Variants in STAB1 observed in about 807,000 individuals in gnomAD.
STAB1 encodes stabilin 1, also known as stabilin-1.
A neutral mutation model predicts 332.4 loss-of-function variants in STAB1; 250 were observed. The observed-to-expected ratio is 0.75, with a 90% CI of 0.68 to 0.84. The LOEUF (loss-of-function observed/expected upper bound fraction) is 0.84. Ranked by LOEUF, STAB1 falls within the 40% of genes least tolerant of loss-of-function variation. The probability of loss-of-function intolerance (pLI) is 0.00; values close to 1 mark genes in which losing one functional copy is unlikely to be tolerated. For missense variants in STAB1, 3,249 were observed against 3,489.7 expected, an observed-to-expected ratio of 0.93 and a Z score of 1.74; for synonymous variants, 1,475 against 1,390.4, an observed-to-expected ratio of 1.06 and a Z score of -1.35.
At position 52,514,497 on chromosome 3, in the gene STAB1, G is replaced by A. The variant is rs746936041; in HGVS notation, c.3678+1G>A. ...CGTCTTCTACAACCACAGTGGCCAG[G>A]TTTGGGGGTCAGGGAGCAAGGAGAC... On this transcript the variant is annotated splice_donor_variant, in intron 34 of 68. Transcript: ENST00000321725. LOFTEE classifies it high-confidence loss of function. The A allele has an allele frequency of 9.2e-6, 14 of 1,524,696 alleles. No individual in the cohort carries two copies. Among genetic ancestry groups the A allele is most frequent in the Non-Finnish European group, 1.2e-5 (14 of 1,137,110 alleles). The allele number at this position is 1,524,696 out of a possible 1,614,324, so 94.4% of individuals were successfully genotyped here. A position where few individuals can be genotyped will look rare whatever the true frequency, so the allele number is the denominator to read the frequency against.
intron 1 of STAB1, among the ~76,000 whole-genome samples, 163 bp downstream of exon 1, chr3:52,495,654 T>G (rs1707961863): frequency 6.6e-6 from 1 of 152,140 alleles, no homozygotes; most frequent in Non-Finnish European, 1.5e-5. Context: ...TGTGCCCACC[T>G]CCCCAGTCTG....
At chr3:52,515,571 C>T (rs1288158686) in intron 37 of STAB1, 65 bp downstream of exon 37, 2 of 1,544,972 alleles carry the variant, frequency 1.3e-6, no homozygotes, top group Non-Finnish European at 8.9e-7. Context: ...GGTGGGGGCC[C>T]AGGGAGGAGC....
chr3:52,505,576 T>C, intron 14 of STAB1, 92 bp from the exon 15 acceptor site: 1 of 1,359,402 alleles, frequency 7.4e-7, no homozygotes, highest in Non-Finnish European at 1.0e-6. Flanking sequence ...TCAGTGGGAG[T>C]TTCCTGCAGG....
rs372612192 is a variant in STAB1, at chr3:52,522,103, C to T, written c.6338C>T (p.Thr2113Ile). The change falls in exon 59 of 69, where the codon ACA becomes ATA. Residue 2113 changes from threonine (T) to isoleucine (I), a missense_variant. Transcript: ENST00000321725. ...SEHANCSQVG[T>I]MVTCTCLPDY... Reference sequence around the variant, plus strand: ...CACGCCAACTGTAGCCAGGTAGGAACAATGGTCACTTGTACCTGCCTGCCC... The same window carrying T: ...CACGCCAACTGTAGCCAGGTAGGAATAATGGTCACTTGTACCTGCCTGCCC... The T allele has an allele frequency of 6.8e-5, 110 of 1,612,936 alleles. No individual in the cohort carries two copies. Among genetic ancestry groups the T allele is most frequent in the Non-Finnish European group, 9.2e-5 (109 of 1,180,004 alleles).
At chr3:52,497,407 CTTTTTTTTTTT>C (rs1200611448) in intron 1 of STAB1, among the ~76,000 whole-genome samples, 1 of 111,778 alleles carries the variant, frequency 8.9e-6, no homozygotes, top group East Asian at 2.5e-4. Flanking sequence ...AATTCGATGC[CTTTTTTTTTTT>C]TTTTTTTTTT....
chr3:52,508,427 AC>A, intron 21 of STAB1, 68 bp downstream of exon 21: 1 of 1,522,184 alleles, frequency 6.6e-7, no homozygotes, highest in Non-Finnish European at 9.0e-7. Context: ...TTGGCCAGTG[AC>A]TGGCTGTGTG....
Position 52,510,352 on chromosome 3 carries a change from G to A in STAB1, c.2632G>A (p.Glu878Lys). ...PDRGGCSENAECVPGSLGTHH... is the reference protein window; with the variant it reads ...PDRGGCSENAKCVPGSLGTHH... Reference sequence around the variant, plus strand: ...TATTTATCCATGGCTCTCACAGGCTGAGTGTGTCCCTGGGTCCCTGGGCAC... The same window carrying A: ...TATTTATCCATGGCTCTCACAGGCTAAGTGTGTCCCTGGGTCCCTGGGCAC... Residue 878 changes from glutamate to lysine, a missense_variant, in exon 25 of 69, where the codon GAG becomes AAG. Transcript: ENST00000321725. 2 of 1,614,032 alleles carry A rather than the reference G, an allele frequency of 1.2e-6. No individual in the cohort carries two copies. Among genetic ancestry groups the A allele is most frequent in the Non-Finnish European group, 1.7e-6 (2 of 1,179,986 alleles).
At position 52,505,721 on chromosome 3, in the gene STAB1, C is replaced by T. The variant is rs1708803638; in HGVS notation, c.1635C>T (p.Ala545=). 1.2e-6 allele frequency: 2 copies of T among 1,613,768 alleles called. No homozygotes were observed. The highest frequency in any genetic ancestry group is 1.7e-5 in the Admixed American group (1 of 60,008). ...LDGPGPFTVF[A]PSNEAVDSLR... is the part of the protein sequence containing the mutation. ...GACCTGGGCCCTTCACAGTCTTTGC[C>T]CCAAGCAATGAGGCTGTGGACAGCT... Residue 545 remains alanine, a synonymous_variant, in exon 15 of 69, where the codon GCC becomes GCT. Coordinates refer to ENST00000321725, the MANE Select transcript of STAB1 (RefSeq NM_015136.3).
Position 52,522,019 on chromosome 3 carries a change from C to T in STAB1, c.6272-18C>T, listed in dbSNP as rs749805778. On this transcript the variant is annotated intron_variant, in intron 58 of 68. Transcript: ENST00000321725. ...CCCCTGCAGTCACTAGGTCCAACCA[C>T]TCCCTCCCTGCCCTCAGTGGCAGAC... 2 of 1,612,374 alleles carry T rather than the reference C, an allele frequency of 1.2e-6. No individual in the cohort carries two copies. The highest frequency in any genetic ancestry group is 2.2e-5 in the South Asian group (2 of 91,022).
At chr3:52,511,576 A>G in intron 25 of STAB1, 74 bp from the exon 26 acceptor site, 2 of 1,400,608 alleles carry the variant, frequency 1.4e-6, no homozygotes, top group South Asian at 2.7e-5. Context: ...GTGACCAGAG[A>G]GAGCCAAGTA....
intron 50 of STAB1, 150 bp downstream of exon 50, chr3:52,519,714 T>G: frequency 8.1e-7 from 1 of 1,241,982 alleles, no homozygotes; most frequent in Non-Finnish European, 1.1e-6. Context: ...AAGCCACATC[T>G]GTGTGCATGT....
At chr3:52,510,880 C>G (rs1288819261) in intron 25 of STAB1, among the ~76,000 whole-genome samples, 5 of 152,242 alleles carry the variant, frequency 3.3e-5, no homozygotes, top group African/African-American at 1.2e-4. Flanking sequence ...GAACCTGGAG[C>G]CTTCCATGTG....
rs1478537413 is a variant in STAB1 at position 52,502,652 on chromosome 3, G to A, written c.508G>A (p.Val170Met). ...CCCAGTGTGCAGCTGTGTGCACGGA[G>A]TGTGCAACCATGGGCCACGTGGGGA... Reference protein sequence around the residue: ...CQSVCSCVHGVCNHGPRGDGS... With the variant: ...CQSVCSCVHGMCNHGPRGDGS... The change falls in exon 6 of 69, where the codon GTG (valine) becomes ATG (methionine). Residue 170 changes from valine (V) to methionine (M), a missense_variant. Coordinates refer to ENST00000321725, the MANE Select transcript of STAB1 (RefSeq NM_015136.3). 1.2e-6 allele frequency: 2 copies of A among 1,613,510 alleles called. No individual in the cohort carries two copies. The highest frequency in any genetic ancestry group is 8.5e-7 in the Non-Finnish European group (1 of 1,179,674).
chr3:52,503,107 G>C lies in STAB1; in HGVS notation c.692G>C (p.Arg231Pro), dbSNP rs370002856. Residue 231 changes from arginine to proline, a missense_variant and splice_region_variant, in exon 7 of 69, where the codon CGA becomes CCA. Transcript: ENST00000321725. ...PGYTQQGSEC[R>P]APNPCWPSPC... ...TACACACAGCAGGGCAGTGAATGCCGAGGTGAGCCTGGACTCAGAGGCCAG... is the reference window on the plus strand; with the variant it reads ...TACACACAGCAGGGCAGTGAATGCCCAGGTGAGCCTGGACTCAGAGGCCAG... 7.6e-6 allele frequency: 12 copies of C among 1,585,108 alleles called. No individual in the cohort carries two copies. The South Asian group carries it at 1.4e-4, about 18-fold the overall frequency.
chr3:52,512,191 C>T, intron 26 of STAB1, 150 bp from the exon 27 acceptor site: 1 of 776,862 alleles, frequency 1.3e-6, no homozygotes, highest in South Asian at 1.4e-5. Flanking sequence ...GCTAGGCACA[C>T]CGAAGGAGTG....
chr3:52,495,511 A>C lies in STAB1; in HGVS notation c.78+20A>C. ...GGGCAGGTAAGTGTGAGCCAGTCGC[A>C]GGGGCACACGGCGTCTGGGCCCTGC... On this transcript the variant is annotated intron_variant, in intron 1 of 68. Coordinates refer to ENST00000321725, the MANE Select transcript of STAB1 (RefSeq NM_015136.3). 1 of 1,318,092 alleles carries C rather than the reference A, an allele frequency of 7.6e-7. No homozygotes were observed. Among genetic ancestry groups the C allele is most frequent in the Non-Finnish European group, 9.7e-7 (1 of 1,025,886 alleles). The allele number at this position is 1,318,092 out of a possible 1,614,324, so 81.6% of individuals were successfully genotyped here. A position where few individuals can be genotyped will look rare whatever the true frequency, so the allele number is the denominator to read the frequency against.
intron 6 of STAB1, 119 bp downstream of exon 6, chr3:52,502,846 G>A: frequency 7.9e-7 from 1 of 1,265,512 alleles, no homozygotes; most frequent in Non-Finnish European, 1.1e-6. Context: ...AGCCTAGTTG[G>A]GGAAGGGGTG....
chr3:52,514,653 A>C, intron 34 of STAB1, 48 bp from the exon 35 acceptor site: 1 of 1,611,716 alleles, frequency 6.2e-7, no homozygotes, highest in South Asian at 1.1e-5. Flanking sequence ...CAGCCCTGCC[A>C]GGTGAGGGTG....
chr3:52,506,641 C>T (rs778728394), intron 17 of STAB1, 51 bp from the exon 18 acceptor site: 19 of 1,546,562 alleles, frequency 1.2e-5, no homozygotes, highest in Middle Eastern at 2.2e-4. Context: ...GCAGCCCCAC[C>T]GGGCCAAGGC....
Sources: gnomAD v4.1 joint callset for allele counts (sites outside exome capture counted in the v4.1 genomes callset) on GRCh38, gnomAD v4.1.1 for gene constraint, MANE v1.5 for transcripts, NCBI Gene and HGNC (gene_info 2026-07-23, HGNC 2026-07-21) for gene names.